Variants in ERC2 observed in about 807,000 individuals in gnomAD.
The protein encoded by ERC2 is ELKS/RAB6-interacting/CAST family member 2.
ERC2 carries 42 observed loss-of-function variants against 114.8 expected under a neutral mutation model. The ratio of observed to expected loss-of-function variants is 0.37; its 90% CI spans 0.29 to 0.47. The LOEUF is 0.47. Ranked by LOEUF, ERC2 falls within the 20% of genes least tolerant of loss-of-function variation. ERC2 has a pLI of 0.99. For synonymous variants in ERC2, 454 were observed against 425.5 expected, an observed-to-expected ratio of 1.07 and a Z score of -0.82; for missense variants, 939 against 1,150.7, an observed-to-expected ratio of 0.82 and a Z score of 2.66.
chr3:55,976,462 T>G (rs1296212690), intron 12 of ERC2, among the ~76,000 whole-genome samples: 3 of 152,202 alleles, frequency 2.0e-5, no homozygotes, highest in Non-Finnish European at 4.4e-5. Flanking sequence ...AATTTCTACC[T>G]CCTTATAACT....
At chr3:55,853,999 G>T (rs1229960948) in intron 14 of ERC2, among the ~76,000 whole-genome samples, 3 of 152,190 alleles carry the variant, frequency 2.0e-5, no homozygotes, top group African/African-American at 7.2e-5. Context: ...AGCAGGCCCA[G>T]CGCGGCGGCT....
chr3:56,038,565 C>T (rs140693916), intron 7 of ERC2, among the ~76,000 whole-genome samples: 121 of 152,272 alleles, frequency 7.9e-4, no homozygotes, highest in African/African-American at 2.8e-3. Context: ...CCATTTGACC[C>T]AGCTATCCTT....
intron 2 of ERC2, among the ~76,000 whole-genome samples, chr3:56,429,684 C>T (rs1234064635): frequency 5.3e-5 from 8 of 152,142 alleles, no homozygotes; most frequent in African/African-American, 1.4e-4. Flanking sequence ...TGTAGAGCCG[C>T]GTGGCTGAGA....
chr3:56,323,839 C>T (rs1368480994), intron 2 of ERC2, among the ~76,000 whole-genome samples: 1 of 152,136 alleles, frequency 6.6e-6, no homozygotes, highest in African/African-American at 2.4e-5. Flanking sequence ...ATCATAGAAT[C>T]CTGAAATACC....
chr3:55,732,665 C>T (rs1002069025), intron 15 of ERC2, among the ~76,000 whole-genome samples: 5 of 152,124 alleles, frequency 3.3e-5, no homozygotes, highest in African/African-American at 1.2e-4. Flanking sequence ...ACATGAGGAG[C>T]AAAGTATCTA....
chr3:56,139,853 G>T (rs1380444707), intron 5 of ERC2, among the ~76,000 whole-genome samples, 177 bp from the exon 6 acceptor site: 3 of 152,114 alleles, frequency 2.0e-5, no homozygotes, highest in Admixed American at 2.0e-4. Flanking sequence ...GGGTTCTGGA[G>T]GAAAATCTGT....
At chr3:55,698,068 A>G (rs2063029295) in intron 16 of ERC2, among the ~76,000 whole-genome samples, 1 of 151,782 alleles carries the variant, frequency 6.6e-6, no homozygotes, top group Non-Finnish European at 1.5e-5. Context: ...TGAAATTGAC[A>G]CCTCTCTCCA....
Position 55,888,653 on chromosome 3 carries a change from A to C in ERC2, c.2404-104T>G, listed in dbSNP as rs1332308640. 3 of 1,379,524 alleles carry C rather than the reference A, an allele frequency of 2.2e-6. No homozygotes were observed. The African/African-American group carries it at 4.3e-5, about 20-fold the overall frequency. The allele number at this position is 1,379,524 out of a possible 1,614,324, so 85.5% of individuals were successfully genotyped here. A position where few individuals can be genotyped will look rare whatever the true frequency, so the allele number is the denominator to read the frequency against. ...CAACAAACACAAAGGAATCACAGGG[A>C]TCCTTGAACTGGGCCGCTGTGTCTT... On this transcript the variant is annotated intron_variant, in intron 13 of 17. Transcript: ENST00000288221.
At chr3:56,053,251 C>T (rs916100625) in intron 7 of ERC2, among the ~76,000 whole-genome samples, 1 of 152,016 alleles carries the variant, frequency 6.6e-6, no homozygotes, top group Non-Finnish European at 1.5e-5. Context: ...CTGTGTGCCA[C>T]GAGTGGGTAA....
At chr3:55,917,089 A>G (rs1335239662) in intron 13 of ERC2, among the ~76,000 whole-genome samples, 2 of 152,184 alleles carry the variant, frequency 1.3e-5, no homozygotes, top group Admixed American at 1.3e-4. Flanking sequence ...AATGAAGAGG[A>G]TTCCATTAAC....
chr3:56,335,628 G>C (rs1393586602), intron 2 of ERC2, among the ~76,000 whole-genome samples: 2 of 152,128 alleles, frequency 1.3e-5, no homozygotes, highest in Non-Finnish European at 2.9e-5. Context: ...TTTTAAGGTA[G>C]GGCCTGAAGA....
Position 56,173,528 on chromosome 3 carries a change from G to T in ERC2, c.1075-8C>A. 1 of 1,613,456 alleles carries T rather than the reference G, an allele frequency of 6.2e-7. No homozygotes were observed. The highest frequency in any genetic ancestry group is 8.5e-7 in the Non-Finnish European group (1 of 1,179,516). On this transcript the variant is annotated splice_region_variant and splice_polypyrimidine_tract_variant and intron_variant, in intron 3 of 17. Transcript: ENST00000288221. ...GCTTCTTCGGTGCAATTCCTGGGGA[G>T]GAACACGATAGAAATAAGCCTGACG...
At position 56,397,205 on chromosome 3, in the gene ERC2, C is replaced by T. The variant is rs577216132; in HGVS notation, c.657+37146G>A. ...AAAAAGATACAGTTAAAAAATGGGC[C>T]GGGCACAGTGGCATGCACCTGTAGT... On this transcript the variant is annotated intron_variant, in intron 2 of 17. Transcript: ENST00000288221. Among the ~76,000 whole-genome samples, 77 of 152,100 alleles carry T rather than the reference C, an allele frequency of 5.1e-4. 2 individuals are homozygous for T. In the South Asian group the frequency reaches 0.012, roughly 23 times the overall value.
chr3:56,286,668 G>C (rs2054740446), intron 3 of ERC2, among the ~76,000 whole-genome samples: 1 of 151,628 alleles, frequency 6.6e-6, no homozygotes, highest in East Asian at 1.9e-4. Context: ...AGGCTTTGTG[G>C]ACCAAGAGGC....
chr3:55,753,989 T>C (rs1366570157), intron 14 of ERC2, among the ~76,000 whole-genome samples: 2 of 152,294 alleles, frequency 1.3e-5, no homozygotes, highest in Non-Finnish European at 2.9e-5. Context: ...AATACACTTA[T>C]GAGGTATTAT....
chr3:55,953,834 T>C (rs779681399), intron 12 of ERC2, among the ~76,000 whole-genome samples: 11 of 152,044 alleles, frequency 7.2e-5, no homozygotes, highest in Non-Finnish European at 1.6e-4. Flanking sequence ...TTTGTAAGAA[T>C]AAAATCTATA....
At chr3:55,937,947 C>A (rs1304135317) in intron 13 of ERC2, among the ~76,000 whole-genome samples, 1 of 152,174 alleles carries the variant, frequency 6.6e-6, no homozygotes, top group Non-Finnish European at 1.5e-5. Context: ...GGAGCCCCAG[C>A]AATGCTGCAG....
intron 17 of ERC2, among the ~76,000 whole-genome samples, chr3:55,623,956 A>G (rs2059415006): frequency 6.6e-6 from 1 of 152,244 alleles, no homozygotes; most frequent in African/African-American, 2.4e-5. Context: ...CTAACAGTCT[A>G]TAGGGAATTT....
intron 2 of ERC2, among the ~76,000 whole-genome samples, chr3:56,313,910 T>A (rs1297610724): frequency 4.6e-5 from 7 of 152,224 alleles, no homozygotes; most frequent in Non-Finnish European, 7.3e-5. Flanking sequence ...ATGACAGTGC[T>A]ATGATTATGT....
Sources: allele counts gnomAD v4.1 joint callset (sites outside exome capture counted in the v4.1 genomes callset), GRCh38; gene constraint gnomAD v4.1.1; transcripts MANE v1.5; gene names NCBI Gene and HGNC (gene_info 2026-07-23, HGNC 2026-07-21).